CKAP5: variants seen among roughly 807,000 people sequenced by gnomAD.
CKAP5 encodes the protein cytoskeleton associated protein 5.
CKAP5 carries 27 observed loss-of-function variants against 232.8 expected under a neutral mutation model. The ratio of observed to expected loss-of-function variants is 0.12; its 90% CI spans 0.09 to 0.16. CKAP5 has a LOEUF of 0.16. Ranked by LOEUF, CKAP5 falls within the 10% of genes least tolerant of loss-of-function variation. The pLI is 1.00. For synonymous variants in CKAP5, 785 were observed against 841.1 expected (o/e 0.93, Z 1.16); for missense variants, 1,838 against 2,424.7 (o/e 0.76, Z 5.08).
At chr11:46,809,313 T>C in intron 7 of CKAP5, 87 bp downstream of exon 7, 2 of 850,276 alleles carry the variant, frequency 2.4e-6, no homozygotes, top group Non-Finnish European at 1.9e-6. Flanking sequence ...AGGGGGTGCA[T>C]CAGGCAAGGG....
In CKAP5 at chr11:46,797,810, G is replaced by T; in HGVS notation, c.1333C>A (p.Leu445Ile). 1 of 1,607,026 alleles carries T rather than the reference G, an allele frequency of 6.2e-7. No individual in the cohort carries two copies. The highest frequency in any genetic ancestry group is 8.5e-7 in the Non-Finnish European group (1 of 1,178,336). Residue 445 changes from leucine (L) to isoleucine (I), a missense_variant, in exon 11 of 44, where the codon CTT becomes ATT. This residue lies in a region of CKAP5 where 767 missense variants were observed against 954.6 expected (regional missense o/e 0.80). Coordinates refer to ENST00000529230, the MANE Select transcript of CKAP5 (RefSeq NM_001008938.4). ...ACTTCAAAGAGAGTCTGTACCTTAA[G>T]TAGTGCAGCACAAAAGGGCTTTAGC... ...SLLKPFCAAL[L>I]KHINDSAPEV...
intron 27 of CKAP5, among the ~76,000 whole-genome samples, chr11:46,766,109 C>T (rs1424052623): frequency 6.6e-6 from 1 of 152,102 alleles, no homozygotes; most frequent in Non-Finnish European, 1.5e-5. Flanking sequence ...CAATAGTACA[C>T]ATATTTAAGG....
At position 46,783,422 on chromosome 11, in the gene CKAP5, T is replaced by TA. The variant is rs2065359549; in HGVS notation, c.2155-55dup. The TA allele has an allele frequency of 1.3e-5, 15 of 1,142,574 alleles. No individual in the cohort carries two copies. The Admixed American group carries it at 2.7e-4, about 21-fold the overall frequency. The allele number at this position is 1,142,574 out of a possible 1,614,324, so 70.8% of individuals were successfully genotyped here. ...TTTTATCTCGTATTTCTTATAGAAATACAGCATGACATTAAGGCAGATGTG... is the reference window on the plus strand; with the variant it reads ...TTTTATCTCGTATTTCTTATAGAAATAACAGCATGACATTAAGGCAGATGTG... On this transcript the variant is annotated intron_variant, in intron 17 of 43. Transcript: ENST00000529230.
rs149162293 is a variant in CKAP5, at chr11:46,811,166, G to A, written c.471C>T (p.Ser157=). 5.8e-5 allele frequency: 94 copies of A among 1,611,760 alleles called. No individual in the cohort carries two copies. The Middle Eastern group carries it at 1.8e-3, about 31-fold the overall frequency. Reference sequence around the variant, plus strand: ...TAATTGGCTTAAGCAAGATGATTTTGGAACCAAATTCACTACAAGTAAAAA... The same window carrying A: ...TAATTGGCTTAAGCAAGATGATTTTAGAACCAAATTCACTACAAGTAAAAA... ...TLRKALSEFG[S]KIILLKPIIK... The change falls in exon 5 of 44, where the codon TCC becomes TCT. Residue 157 remains serine, a synonymous_variant. Coordinates refer to ENST00000529230, the MANE Select transcript of CKAP5 (RefSeq NM_001008938.4).
chr11:46,745,545 A>T (rs1408145046), intron 42 of CKAP5, among the ~76,000 whole-genome samples: 2 of 152,216 alleles, frequency 1.3e-5, no homozygotes, highest in African/African-American at 4.8e-5. Flanking sequence ...CAAGGATAGG[A>T]TGCCTGCCCT....
At position 46,821,504 on chromosome 11, in the gene CKAP5, A is replaced by C. The variant is rs182715455; in HGVS notation, c.-37-236T>G. On this transcript the variant is annotated intron_variant, in intron 1 of 43. Transcript: ENST00000529230. ...CAGTGGCCCGATCTCCGCTTACTGC[A>C]AGCTACACCTCCTGGGCTGACGCCA... Among the ~76,000 whole-genome samples the C allele has an allele frequency of 6.5e-3, 896 of 136,822 alleles. 9 individuals carry two copies. Among genetic ancestry groups the C allele is most frequent in the African/African-American group, 0.024 (862 of 36,118 alleles). The allele number at this position is 136,822 out of a possible 152,430, so 89.8% of individuals were successfully genotyped here.
intron 16 of CKAP5, among the ~76,000 whole-genome samples, chr11:46,787,050 T>C (rs7105052): frequency 0.14 from 21,609 of 152,016 alleles, 2,250 homozygotes; most frequent in African/African-American, 0.3. Flanking sequence ...CCCGACTACT[T>C]GGGAGGCTGA....
chr11:46,763,919 T>C (rs2134594245), intron 28 of CKAP5, among the ~76,000 whole-genome samples: 1 of 152,164 alleles, frequency 6.6e-6, no homozygotes, highest in East Asian at 1.9e-4. Context: ...CACTGTAGCA[T>C]TAACCTCCCA....
chr11:46,809,577 C>G, intron 6 of CKAP5, 77 bp from the exon 7 acceptor site: 1 of 1,357,516 alleles, frequency 7.4e-7, no homozygotes, highest in Non-Finnish European at 1.0e-6. Context: ...CCTTTCACAA[C>G]CCTGATGAAA....
At chr11:46,814,973 T>C (rs1157183875) in intron 4 of CKAP5, among the ~76,000 whole-genome samples, 1 of 152,210 alleles carries the variant, frequency 6.6e-6, no homozygotes, top group Non-Finnish European at 1.5e-5. Flanking sequence ...TTAAATACCC[T>C]GAGGAGTAGT....
In CKAP5 at chr11:46,821,236, C is replaced by T. The variant is rs1167300776; in HGVS notation, c.-5G>A. 2 of 1,610,252 alleles carry T rather than the reference C, an allele frequency of 1.2e-6. No individual in the cohort carries two copies. The highest frequency in any genetic ancestry group is 8.5e-7 in the Non-Finnish European group (1 of 1,176,660). On this transcript the variant is annotated 5_prime_UTR_variant, in exon 2 of 44. Transcript: ENST00000529230. ...CCACTCACTGTCATCTCCCATTGTG[C>T]TTCCAGGTTTTCCTTAGAATTAAGA...
At chr11:46,828,694 T>A (rs748579583) in intron 1 of CKAP5, among the ~76,000 whole-genome samples, 6 of 152,256 alleles carry the variant, frequency 3.9e-5, no homozygotes, top group Non-Finnish European at 7.3e-5. Flanking sequence ...TACCCTGTGC[T>A]GTGCTTATGA....
At chr11:46,820,156 TAAATAAGTTCC>T in intron 2 of CKAP5, among the ~76,000 whole-genome samples, 1 of 152,194 alleles carries the variant, frequency 6.6e-6, no homozygotes. Flanking sequence ...TTAACGATTC[TAAATAAGTTCC>T]AAAATTCTCC....
In CKAP5 at chr11:46,770,107, A is replaced by C; in HGVS notation, c.3187-9T>G. On this transcript the variant is annotated splice_polypyrimidine_tract_variant and intron_variant, in intron 25 of 43. Coordinates refer to ENST00000529230, the MANE Select transcript of CKAP5 (RefSeq NM_001008938.4). ...TGATCTTTAGAAGTTGGCTAGAGAG[A>C]CAAAATGACATAAAAAGTGAGAGGT... The C allele has an allele frequency of 6.2e-7, 1 of 1,613,296 alleles. No homozygotes were observed.
intron 4 of CKAP5, 41 bp downstream of exon 4, chr11:46,816,157 G>C (rs1041711448): frequency 1.3e-6 from 2 of 1,533,268 alleles, no homozygotes; most frequent in Admixed American, 1.7e-5. Context: ...AAAAGGTTGG[G>C]GACTGCTGCT....
intron 15 of CKAP5, among the ~76,000 whole-genome samples, chr11:46,789,146 A>G (rs941789405): frequency 6.6e-6 from 1 of 152,210 alleles, no homozygotes; most frequent in Non-Finnish European, 1.5e-5. Flanking sequence ...AAAAACAGCA[A>G]AGCAGAATAG....
rs144987443 is a variant in CKAP5 at position 46,784,665 on chromosome 11, T to C, written c.1977A>G (p.Gln659=). The change falls in exon 17 of 44, where the codon CAA becomes CAG. Residue 659 remains glutamine, a synonymous_variant. Transcript: ENST00000529230. ...TCAAAGCAACTATATGAAGCTTCAT[T>C]TGCATCACCTGAACAAGGATCAGTA... is the stretch of plus-strand genomic sequence containing the variant. The part of the protein sequence containing the change: ...GWKETNFQVM[Q]MKLHIVALIA... 44 of 1,613,372 alleles carry C rather than the reference T, an allele frequency of 2.7e-5. No homozygotes were observed. The East Asian group carries it at 9.6e-4, about 35-fold the overall frequency.
intron 1 of CKAP5, among the ~76,000 whole-genome samples, chr11:46,822,311 T>C (rs920350999): frequency 6.6e-6 from 1 of 152,000 alleles, no homozygotes; most frequent in African/African-American, 2.4e-5. Flanking sequence ...TTCTAAAAAA[T>C]GATGCTTTTA....
intron 29 of CKAP5, 22 bp downstream of exon 29, chr11:46,763,459 T>C (rs770120042): frequency 6.4e-6 from 10 of 1,570,874 alleles, no homozygotes; most frequent in South Asian, 1.2e-5. Flanking sequence ...AATACATGTA[T>C]ATTTATCTAT....
Sources: allele counts gnomAD v4.1 joint callset (sites outside exome capture counted in the v4.1 genomes callset), GRCh38; gene constraint gnomAD v4.1.1; regional missense constraint gnomAD v4.1.1; transcripts MANE v1.5; gene names NCBI Gene and HGNC (gene_info 2026-07-23, HGNC 2026-07-21).